CERS1: variants seen among roughly 807,000 people sequenced by gnomAD.
CERS1 encodes the protein Embryonic growth/differentiation factor 1.
Under a neutral mutation model 35.7 loss-of-function variants are expected in CERS1, and 16 were observed. The observed-to-expected ratio is 0.45, with a 90% CI of 0.30 to 0.68. The LOEUF (loss-of-function observed/expected upper bound fraction) is 0.68, where lower values mean the gene tolerates loss of function less well. CERS1 is among the 30% of genes least tolerant of loss of function. The pLI, the probability that CERS1 is intolerant of heterozygous loss-of-function variation, is 0.08. For synonymous variants in CERS1, 243 were observed against 201.6 expected, an observed-to-expected ratio of 1.21 and a Z score of -1.74; for missense variants, 454 against 453.9, an observed-to-expected ratio of 1.00 and a Z score of 0.00.
At chr19:18,874,326 C>T (rs899277946) in intron 6 of CERS1, among the ~76,000 whole-genome samples, 1 of 152,154 alleles carries the variant, frequency 6.6e-6, no homozygotes, top group Non-Finnish European at 1.5e-5. Context: ...TTTTTTGAGA[C>T]AGGGTCTTGC....
At chr19:18,875,542 CAAAA>C (rs886609723) in intron 6 of CERS1, among the ~76,000 whole-genome samples, 1 of 97,338 alleles carries the variant, frequency 1.0e-5, no homozygotes. Context: ...GACACTGTCT[CAAAA>C]AAAAAAAAAA....
intron 4 of CERS1, 26 bp from the exon 5 acceptor site, chr19:18,879,414 G>A (rs781448781): frequency 1.0e-5 from 16 of 1,551,440 alleles, no homozygotes; most frequent in Middle Eastern, 1.7e-4. Flanking sequence ...TCAGGAGGCC[G>A]TGGGTGGAGG....
intron 2 of CERS1, among the ~76,000 whole-genome samples, chr19:18,888,889 C>CTTTTTTT (rs756124590): frequency 8.1e-5 from 10 of 122,912 alleles, no homozygotes; most frequent in African/African-American, 2.5e-4. Context: ...TTCTTTCTTT[C>CTTTTTTT]TTTTTTTTTT....
chr19:18,877,219 C>CTT (rs2056074742), intron 6 of CERS1, among the ~76,000 whole-genome samples: 1 of 152,240 alleles, frequency 6.6e-6, no homozygotes, highest in Admixed American at 6.5e-5. Context: ...CATGCCAGCT[C>CTT]TTACCCTGTG....
chr19:18,895,769 G>C lies in CERS1; in HGVS notation c.249+55C>G. 9.7e-7 allele frequency: 1 copy of C among 1,035,192 alleles called. No homozygotes were observed. The highest frequency in any genetic ancestry group is 1.2e-6 in the Non-Finnish European group (1 of 825,336). 64.1% of individuals were successfully genotyped at this position (1,035,192 alleles called of 1,614,324 possible). On this transcript the variant is annotated intron_variant, in intron 1 of 7. Transcript: ENST00000623882. This position sits in a 1 kb window ranked among gnomAD's most constrained non-coding sequence, Gnocchi z 6.4. ...ACGCGCCGGCGGCCCCAGGTCCCCG[G>C]TCCCGGCTTCCCCCAGTCCGGGGTC...
chr19:18,888,695 T>C (rs1280609701), intron 2 of CERS1, among the ~76,000 whole-genome samples: 1 of 150,630 alleles, frequency 6.6e-6, no homozygotes, highest in Non-Finnish European at 1.5e-5. Context: ...CCGGGTGTGG[T>C]AGTACATGCC....
chr19:18,891,548 T>C (rs986238658), intron 2 of CERS1, among the ~76,000 whole-genome samples: 21 of 149,402 alleles, frequency 1.4e-4, no homozygotes, highest in African/African-American at 2.4e-4. Context: ...CTCCAATCAA[T>C]TGGACACAGC....
rs2055946287 is a variant in CERS1 at position 18,870,360 on chromosome 19, C to A, written c.*217G>T. Reference sequence around the variant, plus strand: ...GCGCAGGGTCCGCGGCGGCCCGGGACCAGTGGGCTGAGGGCGGGGCCGGTG... The same window carrying A: ...GCGCAGGGTCCGCGGCGGCCCGGGAACAGTGGGCTGAGGGCGGGGCCGGTG... On this transcript the variant is annotated 3_prime_UTR_variant, in exon 7 of 8. Coordinates refer to ENST00000623882, the MANE Select transcript of CERS1 (RefSeq NM_021267.5). The surrounding 1 kb of genome is among the most constrained non-coding windows in gnomAD (Gnocchi z 5.1). The A allele has an allele frequency of 6.5e-7, 1 of 1,538,980 alleles. No individual in the cohort carries two copies. Among genetic ancestry groups the A allele is most frequent in the African/African-American group, 1.4e-5 (1 of 72,572 alleles).
At chr19:18,890,783 GAA>G (rs35488506) in intron 2 of CERS1, among the ~76,000 whole-genome samples, 27 of 99,766 alleles carry the variant, frequency 2.7e-4, no homozygotes, top group African/African-American at 6.2e-4. Context: ...CGCGTCTGGG[GAA>G]AAAAAAAAAA....
In CERS1 at chr19:18,878,716, C is replaced by A. The variant is rs2146009590; in HGVS notation, c.1010+214G>T. 1 of 1,387,942 alleles carries A rather than the reference C, an allele frequency of 7.2e-7. No individual in the cohort carries two copies. Among genetic ancestry groups the A allele is most frequent in the Non-Finnish European group, 9.4e-7 (1 of 1,069,118 alleles). The allele number at this position is 1,387,942 out of a possible 1,614,324, so 86.0% of individuals were successfully genotyped here. A position where few individuals can be genotyped will look rare whatever the true frequency, so the allele number is the denominator to read the frequency against. On this transcript the variant is annotated intron_variant, in intron 6 of 7. Transcript: ENST00000623882. This position sits in a 1 kb window ranked among gnomAD's most constrained non-coding sequence, Gnocchi z 4.6. ...TGCCTGTCGCCCTGCCTGCCCCTCCCCAGCCTCTCCCTCCCCTTCCTCACT... is the reference window on the plus strand; with the variant it reads ...TGCCTGTCGCCCTGCCTGCCCCTCCACAGCCTCTCCCTCCCCTTCCTCACT...
chr19:18,882,588 T>C (rs1300505741), intron 3 of CERS1, among the ~76,000 whole-genome samples: 5 of 151,568 alleles, frequency 3.3e-5, no homozygotes, highest in South Asian at 4.2e-4. Flanking sequence ...AGTAAGCCAA[T>C]GTCATGGCAC....
In CERS1 at chr19:18,879,322, G is replaced by T; in HGVS notation, c.819C>A (p.Arg273=). The change falls in exon 5 of 8, where the codon CGC becomes CGA. Residue 273 remains arginine (R), a synonymous_variant. Coordinates refer to ENST00000623882, the MANE Select transcript of CERS1 (RefSeq NM_021267.5). The part of the protein sequence containing the change: ...VLYATSHCSL[R]TVPDIPFYFF... ...AGTAGAAGGGGATGTCAGGCACCGT[G>T]CGCAGACTGCAGTGACTGGTGGCAT... 1 of 1,609,650 alleles carries T rather than the reference G, an allele frequency of 6.2e-7. No individual in the cohort carries two copies. Among genetic ancestry groups the T allele is most frequent in the Non-Finnish European group, 8.5e-7 (1 of 1,178,102 alleles).
At chr19:18,893,645 A>C in intron 1 of CERS1, 70 bp from the exon 2 acceptor site, 3 of 1,483,182 alleles carry the variant, frequency 2.0e-6, no homozygotes, top group Non-Finnish European at 1.8e-6. Context: ...GGGGTGGGGA[A>C]ACTGAGGCCC....
At chr19:18,883,310 T>G (rs1033680152) in intron 3 of CERS1, 2 of 152,200 alleles carry the variant, frequency 1.3e-5, no homozygotes, top group Non-Finnish European at 2.9e-5. Flanking sequence ...ACAGGTAATA[T>G]TAATTTTAAT....
chr19:18,887,827 G>A (rs1294278963), intron 2 of CERS1, among the ~76,000 whole-genome samples: 2 of 151,564 alleles, frequency 1.3e-5, no homozygotes, highest in Non-Finnish European at 2.9e-5. Flanking sequence ...ACATTATTGT[G>A]CAACCATCAC....
chr19:18,879,378 G>A lies in CERS1; in HGVS notation c.763C>T (p.Arg255Cys), dbSNP rs1375601977. 3.8e-6 allele frequency: 6 copies of A among 1,568,258 alleles called. No homozygotes were observed. The highest frequency in any genetic ancestry group is 1.4e-5 in the African/African-American group (1 of 73,800). ...ACCTTGAGCGGGAACCAGTAGAGGC[G>A]GAACCAGAACCTGCGGTGGGAGGAG... ...LSFGFSWFWFRLYWFPLKVLY... is the reference protein window; with the variant it reads ...LSFGFSWFWFCLYWFPLKVLY... Residue 255 changes from arginine to cysteine, a missense_variant, in exon 5 of 8, where the codon CGC (arginine) becomes TGC (cysteine). Arg to Cys is a radical substitution (Grantham distance 180, BLOSUM62 -3). Transcript: ENST00000623882.
chr19:18,872,946 G>A (rs2056001269), intron 6 of CERS1, among the ~76,000 whole-genome samples: 1 of 152,216 alleles, frequency 6.6e-6, no homozygotes, highest in Non-Finnish European at 1.5e-5. Flanking sequence ...CACCATGCCG[G>A]GCCGAGATGG....
At position 18,870,320 on chromosome 19, in the gene CERS1, C is replaced by T. The variant is rs542969734; in HGVS notation, c.*257G>A. ...GCGGCGGTGGCATCTTCCTCCCAGG[C>T]GATGACCAGAGAGTGCGCAGGGTCC... On this transcript the variant is annotated 3_prime_UTR_variant, in exon 7 of 8. Transcript: ENST00000623882. The surrounding 1 kb of genome is among the most constrained non-coding windows in gnomAD (Gnocchi z 5.1). 1 of 1,544,960 alleles carries T rather than the reference C, an allele frequency of 6.5e-7. No homozygotes were observed. Among genetic ancestry groups the T allele is most frequent in the South Asian group, 1.2e-5 (1 of 83,878 alleles).
intron 3 of CERS1, among the ~76,000 whole-genome samples, chr19:18,881,215 T>C (rs1274054868): frequency 6.6e-6 from 1 of 151,650 alleles, no homozygotes; most frequent in African/African-American, 2.4e-5. Flanking sequence ...ATCCTTTTTT[T>C]TTTTAATTTT....
Sources: allele counts gnomAD v4.1 joint callset (sites outside exome capture counted in the v4.1 genomes callset), GRCh38; gene constraint gnomAD v4.1.1; non-coding constraint Gnocchi (gnomAD v3.1); transcripts MANE v1.5; gene names NCBI Gene and HGNC (gene_info 2026-07-23, HGNC 2026-07-21).